UBE2N: variants seen among roughly 807,000 people sequenced by gnomAD.
UBE2N encodes ubiquitin-conjugating enzyme E2 N.
For missense variants in UBE2N, 60 were observed against 192.1 expected, an observed-to-expected ratio of 0.31 and a Z score of 4.07; for synonymous variants, 70 against 69.2, an observed-to-expected ratio of 1.01 and a Z score of -0.06.
At chr12:93,431,841 C>T (rs1878781467) in intron 1 of UBE2N, among the ~76,000 whole-genome samples, 1 of 152,204 alleles carries the variant, frequency 6.6e-6, no homozygotes, top group Non-Finnish European at 1.5e-5. Flanking sequence ...TGCTTTCTGT[C>T]TCTCCTTCCA....
At chr12:93,440,803 A>T (rs960824537) in intron 1 of UBE2N, among the ~76,000 whole-genome samples, 1 of 152,224 alleles carries the variant, frequency 6.6e-6, no homozygotes, top group Non-Finnish European at 1.5e-5. Flanking sequence ...AGACTTGTCG[A>T]TATTTCCTTA....
rs942068999 is a variant in UBE2N at position 93,406,842 on chromosome 12, A to C, written c.*3197T>G. 6.6e-6 allele frequency: 1 copy of C among 152,240 alleles called. No individual in the cohort carries two copies. The highest frequency in any genetic ancestry group is 2.4e-5 in the African/African-American group (1 of 41,460). 9.4% of individuals were successfully genotyped at this position (152,240 alleles called of 1,614,324 possible). ...GGAAGTCCTAGAACCAGTTCCCGAC[A>C]AATACCAAGAGATGACTTTACTTTA... On this transcript the variant is annotated 3_prime_UTR_variant, in exon 4 of 4. Transcript: ENST00000318066.
rs374442407 is a variant in UBE2N at position 93,441,912 on chromosome 12, G to C, written c.-28C>G. On this transcript the variant is annotated 5_prime_UTR_variant, in exon 1 of 4. Coordinates refer to ENST00000318066, the MANE Select transcript of UBE2N (RefSeq NM_003348.4). ...TGTCAGAACCCGAGTTCGGCCTCTGGTCTCGTCTCCGGCTCCTCTCGCCTC... is the reference window on the plus strand; with the variant it reads ...TGTCAGAACCCGAGTTCGGCCTCTGCTCTCGTCTCCGGCTCCTCTCGCCTC... The C allele has an allele frequency of 1.9e-6, 3 of 1,568,780 alleles. No homozygotes were observed. The African/African-American group carries it at 4.2e-5, about 22-fold the overall frequency.
At chr12:93,440,758 AGTT>A (rs955083282) in intron 1 of UBE2N, among the ~76,000 whole-genome samples, 11 of 152,242 alleles carry the variant, frequency 7.2e-5, no homozygotes, top group East Asian at 3.8e-4. Context: ...TTTAAGGTTT[AGTT>A]GTTGTGATGA....
chr12:93,424,163 T>C (rs1878504283), intron 1 of UBE2N: 1 of 152,374 alleles, frequency 6.6e-6, no homozygotes, highest in Non-Finnish European at 1.5e-5. Flanking sequence ...GGCTAGTTGA[T>C]TTACAGACAA....
At chr12:93,432,933 G>GGTTT (rs35125903) in intron 1 of UBE2N, among the ~76,000 whole-genome samples, 2 of 132,658 alleles carry the variant, frequency 1.5e-5, no homozygotes, top group Non-Finnish European at 3.1e-5. Context: ...CTTCATTCAG[G>GGTTT]TTTTTTTTTT....
chr12:93,412,527 G>A (rs1489297242), intron 1 of UBE2N, among the ~76,000 whole-genome samples: 5 of 152,200 alleles, frequency 3.3e-5, no homozygotes, highest in African/African-American at 7.2e-5. Context: ...ATTTAGTAAA[G>A]CCATTTTTAC....
chr12:93,419,556 A>G (rs7484825), intron 1 of UBE2N, among the ~76,000 whole-genome samples: 20,357 of 151,820 alleles, frequency 0.13, 1,778 homozygotes, highest in Non-Finnish European at 0.19. Flanking sequence ...AGCTAACTGA[A>G]TGATGAAGTA....
At chr12:93,424,750 TTTA>T (rs1448749068) in intron 1 of UBE2N, among the ~76,000 whole-genome samples, 1 of 152,250 alleles carries the variant, frequency 6.6e-6, no homozygotes, top group African/African-American at 2.4e-5. Context: ...AAAGATCAAC[TTTA>T]TTATTACCTA....
In UBE2N at chr12:93,425,934, C is replaced by T. The variant is rs550627781; in HGVS notation, c.31-14635G>A. Among the ~76,000 whole-genome samples, 231 of 152,242 alleles carry T rather than the reference C, an allele frequency of 1.5e-3. 1 individual carries two copies. The highest frequency in any genetic ancestry group is 0.014 in the Middle Eastern group (4 of 294). The stretch of plus-strand genomic sequence containing the variant: ...AAAGTGATCATTGCCTCAATAATCA[C>T]GAGTTGACATATTAAAGATGATTCT... On this transcript the variant is annotated intron_variant, in intron 1 of 3. Coordinates refer to ENST00000318066, the MANE Select transcript of UBE2N (RefSeq NM_003348.4).
At chr12:93,424,764 A>C (rs955622762) in intron 1 of UBE2N, among the ~76,000 whole-genome samples, 7 of 152,168 alleles carry the variant, frequency 4.6e-5, no homozygotes, top group Non-Finnish European at 7.4e-5. Context: ...TTATTACCTA[A>C]CCCATGGAAA....
At chr12:93,441,833 G>A (rs904501058) in intron 1 of UBE2N, 22 bp downstream of exon 1, 13 of 1,579,736 alleles carry the variant, frequency 8.2e-6, no homozygotes, top group Non-Finnish European at 1.1e-5. Context: ...GCGAAGAGCT[G>A]GAGGCCGGCC....
At position 93,407,896 on chromosome 12, in the gene UBE2N, G is replaced by T. The variant is rs966568382; in HGVS notation, c.*2143C>A. ...AAGCAAGTCTTAGCAAAGTAATGGG[G>T]GAGTCTTACCAAAACTGCAAAGGAA... On this transcript the variant is annotated 3_prime_UTR_variant, in exon 4 of 4. Transcript: ENST00000318066. The T allele has an allele frequency of 7.9e-5, 12 of 152,110 alleles. No individual in the cohort carries two copies. Among genetic ancestry groups the T allele is most frequent in the African/African-American group, 2.7e-4 (11 of 41,408 alleles). The allele number at this position is 152,110 out of a possible 1,614,324, so 9.4% of individuals were successfully genotyped here. A position where few individuals can be genotyped will look rare whatever the true frequency, so the allele number is the denominator to read the frequency against.
In UBE2N at chr12:93,406,001, C is replaced by G. The variant is rs1045770014; in HGVS notation, c.*4038G>C. The G allele has an allele frequency of 5.3e-5, 8 of 152,128 alleles. No homozygotes were observed. Among genetic ancestry groups the G allele is most frequent in the African/African-American group, 1.9e-4 (8 of 41,412 alleles). The allele number at this position is 152,128 out of a possible 1,614,324, so 9.4% of individuals were successfully genotyped here. A position where few individuals can be genotyped will look rare whatever the true frequency, so the allele number is the denominator to read the frequency against. ...GATGTGGCAGGGCTGGGCACGGTGG[C>G]TCACGCCTGTAATCCCAGCACTTTG... On this transcript the variant is annotated 3_prime_UTR_variant, in exon 4 of 4. Transcript: ENST00000318066.
chr12:93,429,434 AG>A (rs1246385008), intron 1 of UBE2N: 2 of 297,406 alleles, frequency 6.7e-6, no homozygotes, highest in African/African-American at 2.3e-5. Context: ...TATGAGTTTC[AG>A]TCAATGATCA....
intron 1 of UBE2N, among the ~76,000 whole-genome samples, chr12:93,419,421 T>G (rs1282543141): frequency 2.0e-5 from 3 of 151,974 alleles, no homozygotes; most frequent in Non-Finnish European, 4.4e-5. Flanking sequence ...TCAGAACATT[T>G]GACATCACTA....
chr12:93,418,474 T>C (rs1423084812), intron 1 of UBE2N, among the ~76,000 whole-genome samples: 1 of 145,082 alleles, frequency 6.9e-6, no homozygotes, highest in Non-Finnish European at 1.5e-5. Context: ...CTACATGATT[T>C]TGTATAACAT....
chr12:93,407,208 T>G lies in UBE2N; in HGVS notation c.*2831A>C, dbSNP rs1263838947. The G allele has an allele frequency of 2.0e-5, 3 of 152,322 alleles. No homozygotes were observed. The highest frequency in any genetic ancestry group is 2.9e-5 in the Non-Finnish European group (2 of 68,162). 9.4% of individuals were successfully genotyped at this position (152,322 alleles called of 1,614,324 possible). A position where few individuals can be genotyped will look rare whatever the true frequency, so the allele number is the denominator to read the frequency against. On this transcript the variant is annotated 3_prime_UTR_variant, in exon 4 of 4. Coordinates refer to ENST00000318066, the MANE Select transcript of UBE2N (RefSeq NM_003348.4). The stretch of plus-strand genomic sequence containing the variant: ...AGATTCTTTTCTTCTCTCCCAGGAC[T>G]TTGCAGATGCTGCTGTTCCCTCTGC...
rs1298311202 is a variant in UBE2N at position 93,411,043 on chromosome 12, T to G, written c.277+10A>C. On this transcript the variant is annotated intron_variant, in intron 2 of 3. Coordinates refer to ENST00000318066, the MANE Select transcript of UBE2N (RefSeq NM_003348.4). ...TAATAATAGCATATGCTGATAAAGA[T>G]AACACTTACCTTTCAAAATATCTAA... The G allele has an allele frequency of 6.2e-7, 1 of 1,614,032 alleles. No individual in the cohort carries two copies. Among genetic ancestry groups the G allele is most frequent in the Non-Finnish European group, 8.5e-7 (1 of 1,179,970 alleles).
Sources: allele counts gnomAD v4.1 joint callset (sites outside exome capture counted in the v4.1 genomes callset), GRCh38; gene constraint gnomAD v4.1.1; transcripts MANE v1.5; gene names NCBI Gene and HGNC (gene_info 2026-07-23, HGNC 2026-07-21).